Variants in CHM observed in about 807,000 individuals in gnomAD.
CHM encodes the protein CHM Rab escort protein.
A neutral mutation model predicts 49.0 loss-of-function variants in CHM; 10 were observed. The ratio of observed to expected loss-of-function variants is 0.20; its 90% CI spans 0.13 to 0.35. The LOEUF is 0.35. CHM is among the 10% of genes least tolerant of loss of function. The pLI is 1.00. For missense variants in CHM, 455 were observed against 478.4 expected, an observed-to-expected ratio of 0.95 and a Z score of 0.46; for synonymous variants, 184 against 167.5, an observed-to-expected ratio of 1.10 and a Z score of -0.76.
At chrX:85,899,502 T>A (rs1926109509) in intron 11 of CHM, among the ~76,000 whole-genome samples, 1 of 111,062 alleles carries the variant, frequency 9.0e-6, no homozygotes, top group Non-Finnish European at 1.9e-5. Flanking sequence ...TTAGTCTGAT[T>A]TTCCTAAAAT....
chrX:86,021,115 T>TACAC (rs1569254932), intron 2 of CHM, among the ~76,000 whole-genome samples: 59 of 64,583 alleles, frequency 9.1e-4, no homozygotes, highest in Non-Finnish European at 1.5e-3. Flanking sequence ...CGTATATATA[T>TACAC]GTGTATATAC....
chrX:86,045,313 T>TA (rs1934612487), intron 1 of CHM, among the ~76,000 whole-genome samples: 1 of 112,056 alleles, frequency 8.9e-6, no homozygotes, highest in Non-Finnish European at 1.9e-5. Context: ...CCAAGCACAC[T>TA]AAAAAATAAA....
At chrX:85,994,921 A>G (rs991207549) in intron 2 of CHM, among the ~76,000 whole-genome samples, 24 of 111,601 alleles carry the variant, frequency 2.2e-4, no homozygotes, top group African/African-American at 7.2e-4. Flanking sequence ...CTTTGCTTGT[A>G]TTTTTCTAGT....
Position 85,911,265 on chromosome X carries a change from T to C in CHM, c.1240A>G (p.Arg414Gly), listed in dbSNP as rs1927009078. 4.5e-6 allele frequency: 4 copies of C among 897,484 alleles called. No homozygotes were observed. Among genetic ancestry groups the C allele is most frequent in the Non-Finnish European group, 5.8e-6 (4 of 686,907 alleles). 74.0% of individuals were successfully genotyped at this position (897,484 alleles called of 1,213,427 possible). Residue 414 changes from arginine (R) to glycine (G), a missense_variant, in exon 9 of 15, where the codon AGA becomes GGA. Physicochemically the swap from Arg to Gly is moderately radical, Grantham distance 125 (BLOSUM62 -2). Transcript: ENST00000357749. Reference protein sequence around the residue: ...VQCLVVDKESRKCKAIIDQFG... With the variant: ...VQCLVVDKESGKCKAIIDQFG... ...GGTTACTTATATCATCCTTACTTTCTGGATTCTTTGTCCACTACAAGGCAC... is the reference window on the plus strand; with the variant it reads ...GGTTACTTATATCATCCTTACTTTCCGGATTCTTTGTCCACTACAAGGCAC...
intron 12 of CHM, among the ~76,000 whole-genome samples, chrX:85,885,253 A>C (rs1036025976): frequency 9.1e-6 from 1 of 109,910 alleles, no homozygotes; most frequent in Non-Finnish European, 1.9e-5. Flanking sequence ...AAACTTCCTC[A>C]TCTGCTTGGA....
intron 9 of CHM, among the ~76,000 whole-genome samples, chrX:85,909,895 A>G (rs964941177): frequency 1.5e-4 from 17 of 112,016 alleles, no homozygotes; most frequent in Admixed American, 4.7e-4. Context: ...AGCAAAATGA[A>G]TGCACAAAGA....
intron 14 of CHM, among the ~76,000 whole-genome samples, chrX:85,865,936 T>G (rs1365637167): frequency 8.9e-6 from 1 of 112,599 alleles, no homozygotes; most frequent in African/African-American, 3.2e-5. Flanking sequence ...CTCAGTCATG[T>G]GTGTTCACAA....
intron 1 of CHM, among the ~76,000 whole-genome samples, chrX:86,041,242 A>G (rs751353490): frequency 2.7e-5 from 3 of 111,613 alleles, no homozygotes; most frequent in Non-Finnish European, 5.6e-5. Flanking sequence ...TCTCTGAGGT[A>G]TTGGCTCAAA....
chrX:86,030,807 CAA>C (rs1934010537), intron 1 of CHM, among the ~76,000 whole-genome samples: 1 of 109,816 alleles, frequency 9.1e-6, no homozygotes. Flanking sequence ...GCATTCCTGG[CAA>C]AGTTAAAGGA....
intron 12 of CHM, among the ~76,000 whole-genome samples, chrX:85,883,679 T>C (rs1924896169): frequency 9.0e-6 from 1 of 111,232 alleles, no homozygotes; most frequent in Non-Finnish European, 1.9e-5. Context: ...CTGATAATTG[T>C]TTTAAATCAA....
intron 11 of CHM, among the ~76,000 whole-genome samples, chrX:85,898,441 C>T (rs1475589561): frequency 9.0e-6 from 1 of 111,438 alleles, no homozygotes; most frequent in Non-Finnish European, 1.9e-5. Context: ...CTTCTTACTT[C>T]GTTATCTTCA....
chrX:86,018,597 G>A (rs1012295443), intron 2 of CHM, among the ~76,000 whole-genome samples: 7 of 112,240 alleles, frequency 6.2e-5, no homozygotes, highest in African/African-American at 2.3e-4. Flanking sequence ...TGTTCCCATA[G>A]CAATTTTATC....
Position 85,965,273 on chromosome X carries a change from T to C in CHM, c.315-1221A>G, listed in dbSNP as rs1449664541. ...TTTAGCAAACTACTTTAAGAAAAAGTTTAAATTTAACTTCCAATTAGTCTT... is the reference window on the plus strand; with the variant it reads ...TTTAGCAAACTACTTTAAGAAAAAGCTTAAATTTAACTTCCAATTAGTCTT... On this transcript the variant is annotated intron_variant, in intron 4 of 14. Coordinates refer to ENST00000357749, the MANE Select transcript of CHM (RefSeq NM_000390.4). Among the ~76,000 whole-genome samples the C allele has an allele frequency of 5.3e-5, 6 of 112,317 alleles. No individual in the cohort carries two copies. In the East Asian group the frequency reaches 1.7e-3, roughly 31 times the overall value.
chrX:86,005,593 C>T (rs1198939932), intron 2 of CHM, among the ~76,000 whole-genome samples: 2 of 111,902 alleles, frequency 1.8e-5, no homozygotes, highest in Non-Finnish European at 3.8e-5. Flanking sequence ...CACCACCAAT[C>T]CCAGAGAAAT....
chrX:85,896,849 C>A (rs1044062907), intron 11 of CHM, among the ~76,000 whole-genome samples: 2 of 97,324 alleles, frequency 2.1e-5, no homozygotes, highest in South Asian at 8.5e-4. Context: ...TTATATAATA[C>A]GTATTATATA....
At chrX:85,927,479 T>C (rs1928162297) in intron 8 of CHM, among the ~76,000 whole-genome samples, 1 of 112,496 alleles carries the variant, frequency 8.9e-6, no homozygotes, top group Admixed American at 9.4e-5. Context: ...TCTAATGAGA[T>C]ATTTTTCCTG....
intron 8 of CHM, among the ~76,000 whole-genome samples, chrX:85,934,763 T>C (rs1048999489): frequency 1.8e-5 from 2 of 110,844 alleles, no homozygotes; most frequent in African/African-American, 3.3e-5. Flanking sequence ...TGTGTCTTTA[T>C]AGCAGCATGA....
chrX:85,913,241 G>C (rs184818487), intron 8 of CHM, among the ~76,000 whole-genome samples: 196 of 97,655 alleles, frequency 2.0e-3, no homozygotes, highest in African/African-American at 7.1e-3. Context: ...ACTTGAACCT[G>C]GAAGGCGGAG....
At chrX:86,034,971 A>T (rs748988643) in intron 1 of CHM, among the ~76,000 whole-genome samples, 88 of 111,401 alleles carry the variant, frequency 7.9e-4, no homozygotes, top group Non-Finnish European at 1.2e-3. Context: ...CTTGTGAATG[A>T]GGGGATAGTC....
Sources: gnomAD v4.1 joint callset for allele counts (sites outside exome capture counted in the v4.1 genomes callset) on GRCh38, gnomAD v4.1.1 for gene constraint, MANE v1.5 for transcripts, NCBI Gene and HGNC (gene_info 2026-07-23, HGNC 2026-07-21) for gene names.